Variants in GRIN2A observed in about 807,000 individuals in gnomAD.
The protein encoded by GRIN2A is glutamate receptor ionotropic, NMDA 2A.
A neutral mutation model predicts 113.4 loss-of-function variants in GRIN2A; 22 were observed. The observed-to-expected ratio is 0.19, with a 90% confidence interval of 0.14 to 0.28. The LOEUF (loss-of-function observed/expected upper bound fraction) is 0.28, where lower values mean the gene tolerates loss of function less well. Among genes scored for constraint, GRIN2A ranks in the 10% least tolerant of loss-of-function variants. The pLI is 1.00. For missense variants in GRIN2A, 1,502 were observed against 1,887.0 expected (o/e 0.80, Z 3.78); for synonymous variants, 827 against 738.4 (o/e 1.12, Z -1.94).
chr16:10,175,367 C>A (rs1885052216), intron 2 of GRIN2A, among the ~76,000 whole-genome samples: 1 of 152,114 alleles, frequency 6.6e-6, no homozygotes, highest in African/African-American at 2.4e-5. Context: ...AATCTTGAAT[C>A]CTCTAAGAAA....
Position 9,757,763 on chromosome 16 carries a change from C to T in GRIN2A, c.*5386G>A, listed in dbSNP as rs535714059. On this transcript the variant is annotated 3_prime_UTR_variant, in exon 13 of 13. Transcript: ENST00000330684. ...TGTTGATTTTTCCTAAGGAGACGGT[C>T]TCTGAGAAAAGTTTTCTCTTCTAGG... is the stretch of plus-strand genomic sequence containing the variant. The T allele has an allele frequency of 9.1e-6, 2 of 218,790 alleles. No individual in the cohort carries two copies. Among genetic ancestry groups the T allele is most frequent in the African/African-American group, 4.5e-5 (2 of 44,646 alleles). The allele number at this position is 218,790 out of a possible 1,614,324, so 13.6% of individuals were successfully genotyped here. A position where few individuals can be genotyped will look rare whatever the true frequency, so the allele number is the denominator to read the frequency against.
chr16:9,987,720 C>T (rs1369583122), intron 2 of GRIN2A, among the ~76,000 whole-genome samples: 2 of 152,150 alleles, frequency 1.3e-5, no homozygotes, highest in Non-Finnish European at 2.9e-5. Context: ...TCTGCACAGC[C>T]TATGTCAGAG....
intron 2 of GRIN2A, among the ~76,000 whole-genome samples, chr16:10,040,632 A>T (rs1005952773): frequency 6.6e-6 from 1 of 151,734 alleles, no homozygotes; most frequent in Admixed American, 6.6e-5. Context: ...GCACACATAA[A>T]TACACATAGC....
chr16:9,910,183 T>C (rs1293405116), intron 3 of GRIN2A, among the ~76,000 whole-genome samples: 1 of 151,550 alleles, frequency 6.6e-6, no homozygotes, highest in Non-Finnish European at 1.5e-5. Flanking sequence ...AGTTTTTCAG[T>C]TTTTGTTTGA....
intron 11 of GRIN2A, among the ~76,000 whole-genome samples, chr16:9,786,436 A>G (rs1470798450): frequency 1.3e-5 from 2 of 152,154 alleles, no homozygotes; most frequent in East Asian, 1.9e-4. Context: ...ACCATGAACA[A>G]TGGAAAAAAA....
At chr16:10,013,636 C>T (rs2046551029) in intron 2 of GRIN2A, among the ~76,000 whole-genome samples, 1 of 152,160 alleles carries the variant, frequency 6.6e-6, no homozygotes, top group South Asian at 2.1e-4. Flanking sequence ...TTCTGTCTGA[C>T]CCTTCTAAAA....
chr16:10,181,496 T>A (rs2050271772), intron 1 of GRIN2A: 1 of 152,356 alleles, frequency 6.6e-6, no homozygotes, highest in Non-Finnish European at 1.5e-5. Flanking sequence ...TTCCTCAGAC[T>A]GCTGTAGCGG....
At chr16:9,902,614 G>C (rs2043950088) in intron 3 of GRIN2A, among the ~76,000 whole-genome samples, 2 of 152,144 alleles carry the variant, frequency 1.3e-5, no homozygotes, top group South Asian at 4.2e-4. Flanking sequence ...GATTTCAAAG[G>C]CTTTGAATTA....
At chr16:9,803,089 G>C (rs1477773286) in intron 10 of GRIN2A, among the ~76,000 whole-genome samples, 1 of 152,150 alleles carries the variant, frequency 6.6e-6, no homozygotes, top group Non-Finnish European at 1.5e-5. Flanking sequence ...GCATTTCTCA[G>C]GCTCAGTTTT....
At chr16:9,812,237 G>A (rs773305223) in intron 10 of GRIN2A, among the ~76,000 whole-genome samples, 57 of 152,284 alleles carry the variant, frequency 3.7e-4, no homozygotes, top group Non-Finnish European at 5.7e-4. Context: ...GATGGTCACC[G>A]TCATATAGGT....
At chr16:10,111,033 A>T (rs957292377) in intron 2 of GRIN2A, among the ~76,000 whole-genome samples, 3 of 152,218 alleles carry the variant, frequency 2.0e-5, no homozygotes, top group Non-Finnish European at 4.4e-5. Context: ...TCGACCAATT[A>T]AGTGGAGCTA....
rs2047217145 is a variant in GRIN2A at position 10,044,036 on chromosome 16, G to GAGAGAGAA, written c.415-105486_415-105485insTTCTCTCT. ...ATATATATATATAGAGAGAGAGAGA[G>GAGAGAGAA]AGAGAGAGAGACAGAGACAGAGACA... On this transcript the variant is annotated intron_variant, in intron 2 of 12. Transcript: ENST00000330684. 2.1e-5 allele frequency among the ~76,000 whole-genome samples: 3 copies of GAGAGAGAA among 141,366 alleles called. No individual in the cohort carries two copies. In the South Asian group the frequency reaches 6.9e-4, roughly 32 times the overall value. 92.7% of individuals were successfully genotyped at this position (141,366 alleles called of 152,430 possible).
Position 10,055,075 on chromosome 16 carries a change from AAAAAAAAAAAGAAAAAAG to A in GRIN2A, c.415-116542_415-116525del, listed in dbSNP as rs1567266384. Among the ~76,000 whole-genome samples the A allele has an allele frequency of 3.8e-5, 3 of 78,678 alleles. 1 individual carries two copies. Among genetic ancestry groups the A allele is most frequent in the East Asian group, 7.3e-4 (1 of 1,378 alleles). 51.6% of individuals were successfully genotyped at this position (78,678 alleles called of 152,430 possible). On this transcript the variant is annotated intron_variant, in intron 2 of 12. Transcript: ENST00000330684. ...AAAAAAAAAAAAAAAAAAAAAAAAA[AAAAAAAAAAAGAAAAAAG>A]AAAGAAAGAAAGAAAAAAGAAAAAA... is the stretch of plus-strand genomic sequence containing the variant.
At chr16:9,910,071 GA>G (rs1352272606) in intron 3 of GRIN2A, among the ~76,000 whole-genome samples, 1 of 152,164 alleles carries the variant, frequency 6.6e-6, no homozygotes, top group Non-Finnish European at 1.5e-5. Flanking sequence ...CTATAGTATG[GA>G]CAAAACCACA....
intron 2 of GRIN2A, among the ~76,000 whole-genome samples, chr16:9,988,284 C>CATGTGT (rs375935195): frequency 2.4e-4 from 35 of 146,840 alleles, no homozygotes; most frequent in Non-Finnish European, 4.5e-5. Context: ...TGTGTGTGTG[C>CATGTGT]GTGTGTGTGT....
At chr16:10,023,683 C>T (rs887398852) in intron 2 of GRIN2A, among the ~76,000 whole-genome samples, 7 of 152,262 alleles carry the variant, frequency 4.6e-5, no homozygotes, top group Middle Eastern at 3.4e-3. Flanking sequence ...GTTTTCAGTG[C>T]GTGTCGCTAT....
chr16:9,776,441 T>A (rs1287404529), intron 11 of GRIN2A, among the ~76,000 whole-genome samples: 1 of 152,128 alleles, frequency 6.6e-6, no homozygotes, highest in East Asian at 1.9e-4. Flanking sequence ...CAACTGTGGA[T>A]AACACAAGGC....
chr16:10,179,893 C>CCCCAAACAAAAAAAAAA, intron 2 of GRIN2A, 105 bp downstream of exon 2: 3 of 719,818 alleles, frequency 4.2e-6, no homozygotes, highest in East Asian at 3.6e-5. Flanking sequence ...CCCCCACCCC[C>CCCCAAACAAAAAAAAAA]ACTTCACATC....
chr16:10,057,473 T>C (rs1265991881), intron 2 of GRIN2A, among the ~76,000 whole-genome samples: 3 of 151,994 alleles, frequency 2.0e-5, no homozygotes, highest in Admixed American at 2.0e-4. Flanking sequence ...AAATAAATCA[T>C]ACAAGTAAAT....
Sources: allele counts gnomAD v4.1 joint callset (sites outside exome capture counted in the v4.1 genomes callset), GRCh38; gene constraint gnomAD v4.1.1; transcripts MANE v1.5; gene names NCBI Gene and HGNC (gene_info 2026-07-23, HGNC 2026-07-21).